MAP4K2: variants seen among roughly 807,000 people sequenced by gnomAD.
The protein encoded by MAP4K2 is B lymphocyte serine/threonine protein kinase.
In MAP4K2, 85 loss-of-function variants were observed where a neutral mutation model predicts 125.3. That is an observed-to-expected ratio of 0.68 (90% CI 0.57 to 0.81). MAP4K2 has a LOEUF of 0.81. Ranked by LOEUF, MAP4K2 falls within the 40% of genes least tolerant of loss-of-function variation. MAP4K2 has a pLI of 0.00. For synonymous variants in MAP4K2, 479 were observed against 445.1 expected, an observed-to-expected ratio of 1.08 and a Z score of -0.96; for missense variants, 923 against 1,056.4, an observed-to-expected ratio of 0.87 and a Z score of 1.75.
rs773719386 is a variant in MAP4K2, at chr11:64,800,791, G to A, written c.698C>T (p.Pro233Leu). The change falls in exon 10 of 32, where the codon CCG becomes CTG. Residue 233 changes from proline to leucine, a missense_variant. Physicochemically the swap from Pro to Leu is moderately conservative, Grantham distance 98 (BLOSUM62 -3). Around this residue, in one of 2 missense-constraint regions of MAP4K2, gnomAD observed 833 missense variants for 911.4 expected, o/e 0.91. Transcript: ENST00000294066. Reference protein sequence around the residue: ...LMLMSKSSFQPPKLRDKTRWT... With the variant: ...LMLMSKSSFQLPKLRDKTRWT... ...GCGAGTCTTATCTCTCAGTTTGGGCGGCTGGAAGCTGCTCTTCGACATGAG... is the reference window on the plus strand; with the variant it reads ...GCGAGTCTTATCTCTCAGTTTGGGCAGCTGGAAGCTGCTCTTCGACATGAG... 14 of 1,609,956 alleles carry A rather than the reference G, an allele frequency of 8.7e-6. No homozygotes were observed. Among genetic ancestry groups the A allele is most frequent in the South Asian group, 4.4e-5 (4 of 90,536 alleles).
At position 64,798,834 on chromosome 11, in the gene MAP4K2, C is replaced by T. The variant is rs557772711; in HGVS notation, c.1057G>A (p.Glu353Lys). 1 of 1,603,670 alleles carries T rather than the reference C, an allele frequency of 6.2e-7. No individual in the cohort carries two copies. Among genetic ancestry groups the T allele is most frequent in the African/African-American group, 1.3e-5 (1 of 74,588 alleles). ...TTTCCCAGTAGTGTCCACTCTTCCT[C>T]CCACTGGGGGAAACCAAGGTAGAGA... ...KETDPLNEPWEEEWTLLGKEE... is the reference protein window; with the variant it reads ...KETDPLNEPWKEEWTLLGKEE... Residue 353 changes from glutamate to lysine, a missense_variant, in exon 15 of 32, where the codon GAG (glutamate) becomes AAG (lysine). Physicochemically the swap from Glu to Lys is moderately conservative, Grantham distance 56 (BLOSUM62 1). This residue lies in a region of MAP4K2 where 833 missense variants were observed against 911.4 expected (regional missense o/e 0.91). Transcript: ENST00000294066.
In MAP4K2 at chr11:64,800,284, CCT is replaced by C. The variant is rs376210902; in HGVS notation, c.807+25_807+26del. 20 of 1,613,426 alleles carry C rather than the reference CCT, an allele frequency of 1.2e-5. No homozygotes were observed. The African/African-American group carries it at 2.4e-4, about 19-fold the overall frequency. ...CAGGGCCCTGCTTTTGAGTACTGGG[CCT>C]CTCTCCCGGCCCCCTGCCTCCCACC... is the stretch of plus-strand genomic sequence containing the variant. On this transcript the variant is annotated intron_variant, in intron 11 of 31. Coordinates refer to ENST00000294066, the MANE Select transcript of MAP4K2 (RefSeq NM_004579.5).
At chr11:64,801,300 G>T in intron 7 of MAP4K2, 117 bp from the exon 8 acceptor site, 1 of 1,301,530 alleles carries the variant, frequency 7.7e-7, no homozygotes, top group Non-Finnish European at 1.1e-6. Flanking sequence ...GCCCCGCTTG[G>T]TCACAGCTGC....
At chr11:64,790,025 TG>T in intron 29 of MAP4K2, 66 bp from the exon 30 acceptor site, 1 of 1,588,158 alleles carries the variant, frequency 6.3e-7, no homozygotes, top group Non-Finnish European at 8.6e-7. Flanking sequence ...CGCCTGAGCC[TG>T]GGTCTGGGCC....
Position 64,791,970 on chromosome 11 carries a change from G to C in MAP4K2, c.2031C>G (p.Arg677=). ...GAEGPEGPGC[R]VLFHVLPLEA... The stretch of plus-strand genomic sequence containing the variant: ...CCAGGGGCAGGACATGGAACAGGAC[G>C]CGGCAGCCGGGCCCCTCAGGCCCCT... Residue 677 remains arginine (R), a synonymous_variant, in exon 27 of 32, where the codon CGC becomes CGG. Coordinates refer to ENST00000294066, the MANE Select transcript of MAP4K2 (RefSeq NM_004579.5). The C allele has an allele frequency of 1.2e-6, 2 of 1,604,956 alleles. No individual in the cohort carries two copies. The highest frequency in any genetic ancestry group is 2.7e-5 in the African/African-American group (2 of 74,938).
In MAP4K2 at chr11:64,802,577, A is replaced by C; in HGVS notation, c.231T>G (p.Ile77Met). ...ECRHPNVVAY[I>M]GSYLRNDRLW... ...GGCAGCCTCACCTGAGGTAGCTGCC[A>C]ATGTAGGCCACCACATTGGGGTGGC... Residue 77 changes from isoleucine to methionine, a missense_variant, in exon 3 of 32, where the codon ATT becomes ATG. This residue lies in a region of MAP4K2 where 833 missense variants were observed against 911.4 expected (regional missense o/e 0.91). Coordinates refer to ENST00000294066, the MANE Select transcript of MAP4K2 (RefSeq NM_004579.5). 5 of 1,610,068 alleles carry C rather than the reference A, an allele frequency of 3.1e-6. No homozygotes were observed. The highest frequency in any genetic ancestry group is 3.4e-6 in the Non-Finnish European group (4 of 1,178,372).
Position 64,801,140 on chromosome 11 carries a change from C to T in MAP4K2, c.501G>A (p.Lys167=). 1 of 1,613,552 alleles carries T rather than the reference C, an allele frequency of 6.2e-7. No homozygotes were observed. Among genetic ancestry groups the T allele is most frequent in the South Asian group, 1.1e-5 (1 of 91,086 alleles). The change falls in exon 8 of 32, where the codon AAG becomes AAA. Residue 167 remains lysine (K), a synonymous_variant. Transcript: ENST00000294066. The part of the protein sequence containing the change: ...VSGELTASVA[K]RRSFIGTPYW... ...AGGGAGTCCCAATGAAAGACCTCCT[C>T]TTGGCCACAGACGCTGTCAGCTCGC... is the stretch of plus-strand genomic sequence containing the variant.
At position 64,789,318 on chromosome 11, in the gene MAP4K2, G is replaced by A. The variant is rs996294384; in HGVS notation, c.*219C>T. On this transcript the variant is annotated 3_prime_UTR_variant, in exon 32 of 32. Transcript: ENST00000294066. ...AGGGACTGGGCTGCCTCGGGGATGGGGGAGTGACAGCAGCTCCCCCTGGTC... is the reference window on the plus strand; with the variant it reads ...AGGGACTGGGCTGCCTCGGGGATGGAGGAGTGACAGCAGCTCCCCCTGGTC... The A allele has an allele frequency of 5.2e-6, 3 of 573,244 alleles. No homozygotes were observed. In the African/African-American group the frequency reaches 5.6e-5, roughly 11 times the overall value. 35.5% of individuals were successfully genotyped at this position (573,244 alleles called of 1,614,324 possible).
At chr11:64,797,448 C>G in intron 17 of MAP4K2, 53 bp downstream of exon 17, 1 of 1,557,458 alleles carries the variant, frequency 6.4e-7, no homozygotes, top group Non-Finnish European at 8.7e-7. Flanking sequence ...CCACTCCAAT[C>G]GTACCCTCTG....
In MAP4K2 at chr11:64,785,073, T is replaced by C. The variant is rs1439254363; in HGVS notation, c.*4464A>G. The C allele has an allele frequency of 1.3e-5, 2 of 152,230 alleles. No individual in the cohort carries two copies. The highest frequency in any genetic ancestry group is 3.8e-4 in the East Asian group (2 of 5,202). The allele number at this position is 152,230 out of a possible 1,614,324, so 9.4% of individuals were successfully genotyped here. A position where few individuals can be genotyped will look rare whatever the true frequency, so the allele number is the denominator to read the frequency against. On this transcript the variant is annotated 3_prime_UTR_variant, in exon 32 of 32. Transcript: ENST00000294066. ...AAAATATTAATGCATGCAACAGGGATGACTCGCAAATCCTTATGCTCAGCT... is the reference window on the plus strand; with the variant it reads ...AAAATATTAATGCATGCAACAGGGACGACTCGCAAATCCTTATGCTCAGCT...
chr11:64,794,866 C>T (rs1311622782), intron 24 of MAP4K2, among the ~76,000 whole-genome samples: 1 of 151,964 alleles, frequency 6.6e-6, no homozygotes, highest in Admixed American at 6.6e-5. Flanking sequence ...ACCTCAGTAC[C>T]GGCTGCTAAC....
At chr11:64,802,735 T>C (rs1941294722) in intron 2 of MAP4K2, 82 bp from the exon 3 acceptor site, 1 of 1,494,060 alleles carries the variant, frequency 6.7e-7, no homozygotes, top group Non-Finnish European at 9.2e-7. Flanking sequence ...GGGCACAGAG[T>C]GCCTCCCTCC....
At position 64,800,226 on chromosome 11, in the gene MAP4K2, G is replaced by T; in HGVS notation, c.808-10C>A. The T allele has an allele frequency of 1.2e-6, 2 of 1,612,416 alleles. No individual in the cohort carries two copies. The highest frequency in any genetic ancestry group is 2.2e-5 in the East Asian group (1 of 44,870). The stretch of plus-strand genomic sequence containing the variant: ...GAGTCGTGAACGGGTGCTGGAAAGT[G>T]GGGGAGGGGGGTGATCAGGTTGGCC... On this transcript the variant is annotated splice_polypyrimidine_tract_variant and intron_variant, in intron 11 of 31. Transcript: ENST00000294066.
At position 64,790,453 on chromosome 11, in the gene MAP4K2, G is replaced by C. The variant is rs1940411423; in HGVS notation, c.2102C>G (p.Pro701Arg). Residue 701 changes from proline (P) to arginine (R), a missense_variant, in exon 28 of 32, where the codon CCA becomes CGA. Pro to Arg is a moderately radical substitution (Grantham distance 103). Around this residue, in one of 2 missense-constraint regions of MAP4K2, gnomAD observed 833 missense variants for 911.4 expected, o/e 0.91. Transcript: ENST00000294066. ...CTGGATCACCTGCTGGGCCGAGCCT[G>C]GGATCCCCTCTGCAGGCAGAGAAGA... is the stretch of plus-strand genomic sequence containing the variant. Reference protein sequence around the residue: ...PDILIPPEGIPGSAQQVIQVD... With the variant: ...PDILIPPEGIRGSAQQVIQVD... 6.2e-7 allele frequency: 1 copy of C among 1,613,860 alleles called. No individual in the cohort carries two copies. The highest frequency in any genetic ancestry group is 1.3e-5 in the African/African-American group (1 of 74,916).
chr11:64,802,746 G>A (rs1941295476), intron 2 of MAP4K2, 93 bp from the exon 3 acceptor site: 6 of 1,472,244 alleles, frequency 4.1e-6, no homozygotes, highest in East Asian at 2.4e-5. Context: ...GCCTCCCTCC[G>A]GGCCAGGCAG....
intron 2 of MAP4K2, 62 bp downstream of exon 2, chr11:64,802,823 C>T (rs1941306040): frequency 1.3e-6 from 2 of 1,546,358 alleles, no homozygotes; most frequent in South Asian, 1.2e-5. Flanking sequence ...CCTCCGCCCG[C>T]ACCCCGCGCC....
chr11:64,798,622 G>A (rs539648412), intron 15 of MAP4K2, among the ~76,000 whole-genome samples, 172 bp downstream of exon 15: 1 of 143,838 alleles, frequency 7.0e-6, no homozygotes, highest in Non-Finnish European at 1.5e-5. Flanking sequence ...TTAAGTAGAG[G>A]TGGAGTTTCA....
At chr11:64,795,315 C>T (rs1347562099) in intron 24 of MAP4K2, among the ~76,000 whole-genome samples, 3 of 151,964 alleles carry the variant, frequency 2.0e-5, no homozygotes, top group African/African-American at 7.3e-5. Context: ...AACTCCTGAC[C>T]TCATGATCCG....
At position 64,800,750 on chromosome 11, in the gene MAP4K2, G is replaced by A; in HGVS notation, c.725+14C>T. Reference sequence around the variant, plus strand: ...ACAGAAAAGGGGGTCCCGGCAGCAGGGTGTGGCCCTTACCAGCGAGTCTTA... The same window carrying A: ...ACAGAAAAGGGGGTCCCGGCAGCAGAGTGTGGCCCTTACCAGCGAGTCTTA... On this transcript the variant is annotated intron_variant, in intron 10 of 31. Transcript: ENST00000294066. 6.3e-7 allele frequency: 1 copy of A among 1,595,618 alleles called. No individual in the cohort carries two copies. Among genetic ancestry groups the A allele is most frequent in the East Asian group, 2.3e-5 (1 of 44,080 alleles).
Sources: gnomAD v4.1 joint callset for allele counts (sites outside exome capture counted in the v4.1 genomes callset) on GRCh38, gnomAD v4.1.1 for gene constraint, gnomAD v4.1.1 regional missense constraint, MANE v1.5 for transcripts, NCBI Gene and HGNC (gene_info 2026-07-23, HGNC 2026-07-21) for gene names.